The following ARHGAP26 variants were observed in gnomAD, a reference collection of about 807,000 sequenced individuals.
ARHGAP26 encodes the protein rho GTPase-activating protein 26.
In ARHGAP26, 38 loss-of-function variants were observed where a neutral mutation model predicts 104.8. The observed-to-expected ratio is 0.36, with a 90% CI of 0.28 to 0.48. ARHGAP26 has a LOEUF of 0.48. Ranked by LOEUF, ARHGAP26 falls within the 20% of genes least tolerant of loss-of-function variation. The pLI is 0.99. For synonymous variants in ARHGAP26, 341 were observed against 340.0 expected (o/e 1.00, Z -0.03); for missense variants, 704 against 947.9 (o/e 0.74, Z 3.38).
At chr5:143,132,747 C>T (rs1481758783) in intron 18 of ARHGAP26, among the ~76,000 whole-genome samples, 1 of 151,898 alleles carries the variant, frequency 6.6e-6, no homozygotes, top group Non-Finnish European at 1.5e-5. Context: ...ACGTGTTTGC[C>T]TCCTTCACTG....
chr5:142,954,060 G>A (rs1358668691), intron 11 of ARHGAP26, among the ~76,000 whole-genome samples: 1 of 152,182 alleles, frequency 6.6e-6, no homozygotes, highest in Admixed American at 6.5e-5. Context: ...CTGAGCAAAG[G>A]CGTTTTTAAG....
chr5:142,985,654 C>G lies in ARHGAP26; in HGVS notation c.1108-28426C>G, dbSNP rs181107538. On this transcript the variant is annotated intron_variant, in intron 11 of 22. Transcript: ENST00000645722. ...ATATCTCCTAATGCTATCCCTCCCC[C>G]CTCCCCCCCACCCTACAACAGGCCC... Among the ~76,000 whole-genome samples the G allele has an allele frequency of 1.8e-4, 21 of 119,558 alleles. No individual in the cohort carries two copies. The East Asian group carries it at 2.7e-3, about 15-fold the overall frequency. The allele number at this position is 119,558 out of a possible 152,430, so 78.4% of individuals were successfully genotyped here.
At chr5:143,127,882 A>G (rs1796897230) in intron 18 of ARHGAP26, among the ~76,000 whole-genome samples, 2 of 152,252 alleles carry the variant, frequency 1.3e-5, no homozygotes, top group East Asian at 3.8e-4. Flanking sequence ...GTATGACTGG[A>G]TGCTTCACTA....
chr5:143,020,676 T>C lies in ARHGAP26; in HGVS notation c.1144+6560T>C, dbSNP rs533307690. Among the ~76,000 whole-genome samples, 6 of 138,232 alleles carry C rather than the reference T, an allele frequency of 4.3e-5. 1 individual carries two copies. In the South Asian group the frequency reaches 1.4e-3, roughly 33 times the overall value. The allele number at this position is 138,232 out of a possible 152,430, so 90.7% of individuals were successfully genotyped here. On this transcript the variant is annotated intron_variant, in intron 12 of 22. Transcript: ENST00000645722. ...TTTTTTGAGATGGAGTCTTGCTCTG[T>C]TGCCCAGGCTGGAGTGCAGTGGCAT...
At position 143,007,894 on chromosome 5, in the gene ARHGAP26, T is replaced by G. The variant is rs565261323; in HGVS notation, c.1108-6186T>G. 2.6e-5 allele frequency among the ~76,000 whole-genome samples: 4 copies of G among 152,360 alleles called. No individual in the cohort carries two copies. The East Asian group carries it at 7.7e-4, about 29-fold the overall frequency. On this transcript the variant is annotated intron_variant, in intron 11 of 22. Transcript: ENST00000645722. Reference sequence around the variant, plus strand: ...CTTAGATTGTCTCCTTTCCTTTCCCTTCATCTCTTAATTAGTTTCAGTTGG... The same window carrying G: ...CTTAGATTGTCTCCTTTCCTTTCCCGTCATCTCTTAATTAGTTTCAGTTGG...
At chr5:142,834,898 A>G (rs1211196315) in intron 1 of ARHGAP26, among the ~76,000 whole-genome samples, 1 of 152,242 alleles carries the variant, frequency 6.6e-6, no homozygotes, top group African/African-American at 2.4e-5. Context: ...GCCATTAGCA[A>G]TCTACCATAT....
At chr5:143,130,203 C>T (rs1012284348) in intron 18 of ARHGAP26, among the ~76,000 whole-genome samples, 1 of 152,192 alleles carries the variant, frequency 6.6e-6, no homozygotes, top group Non-Finnish European at 1.5e-5. Flanking sequence ...GAAACAGTAG[C>T]TTGGTATTTA....
At chr5:143,190,027 AGG>A (rs10597676) in intron 20 of ARHGAP26, among the ~76,000 whole-genome samples, 5,116 of 145,620 alleles carry the variant, frequency 0.035, 310 homozygotes, top group African/African-American at 0.12. Context: ...GGACAGAAGG[AGG>A]GGGGGGAAAA....
rs1279237048 is a variant in ARHGAP26 at position 142,993,185 on chromosome 5, C to T, written c.1108-20895C>T. Among the ~76,000 whole-genome samples the T allele has an allele frequency of 5.9e-4, 68 of 114,784 alleles. 1 individual carries two copies. The highest frequency in any genetic ancestry group is 2.0e-3 in the African/African-American group (61 of 29,790). 75.3% of individuals were successfully genotyped at this position (114,784 alleles called of 152,430 possible). A position where few individuals can be genotyped will look rare whatever the true frequency, so the allele number is the denominator to read the frequency against. On this transcript the variant is annotated intron_variant, in intron 11 of 22. Transcript: ENST00000645722. ...TTTTTTTTTTTTTTTTTTTTTGAGA[C>T]GGAGTCTCGCTCTGTCGCCCAGGCC...
chr5:143,105,926 A>G (rs1390806505), intron 17 of ARHGAP26, among the ~76,000 whole-genome samples: 1 of 151,732 alleles, frequency 6.6e-6, no homozygotes, highest in Non-Finnish European at 1.5e-5. Flanking sequence ...TTTGGTGAGT[A>G]CAAGTATGAG....
chr5:142,925,922 G>A (rs1347089471), intron 10 of ARHGAP26, among the ~76,000 whole-genome samples: 2 of 152,188 alleles, frequency 1.3e-5, no homozygotes, highest in Admixed American at 6.5e-5. Context: ...TAAATTCTGA[G>A]TGTTTTTGTT....
At chr5:142,818,495 A>G (rs1274078048) in intron 1 of ARHGAP26, among the ~76,000 whole-genome samples, 5 of 152,172 alleles carry the variant, frequency 3.3e-5, no homozygotes, top group Admixed American at 6.5e-5. Flanking sequence ...CAGTAGGTCT[A>G]CTTGGGGTCT....
chr5:142,776,971 A>T (rs1349575284), intron 1 of ARHGAP26, among the ~76,000 whole-genome samples: 3 of 152,152 alleles, frequency 2.0e-5, no homozygotes, highest in African/African-American at 7.2e-5. Flanking sequence ...GTGGGTGTGA[A>T]GTGGTATCTC....
intron 20 of ARHGAP26, among the ~76,000 whole-genome samples, chr5:143,153,559 T>TAA (rs1179194844): frequency 2.6e-5 from 4 of 152,146 alleles, no homozygotes; most frequent in Non-Finnish European, 5.9e-5. Flanking sequence ...ACCAGGGACA[T>TAA]AACATGCTGC....
intron 17 of ARHGAP26, among the ~76,000 whole-genome samples, chr5:143,082,031 A>T (rs1013178710): frequency 1.3e-5 from 2 of 152,018 alleles, no homozygotes; most frequent in Admixed American, 6.6e-5. Context: ...AAAAAAAAAA[A>T]AAATGGTAGC....
At chr5:142,918,739 T>A (rs547060546) in intron 10 of ARHGAP26, among the ~76,000 whole-genome samples, 1 of 152,274 alleles carries the variant, frequency 6.6e-6, no homozygotes, top group South Asian at 2.1e-4. Flanking sequence ...TAATGTTAGC[T>A]CTTCATATCT....
intron 11 of ARHGAP26, among the ~76,000 whole-genome samples, chr5:142,954,341 C>A (rs1159257381): frequency 1.3e-5 from 2 of 152,228 alleles, no homozygotes; most frequent in Admixed American, 1.3e-4. Flanking sequence ...ACATCTACCC[C>A]TTTGGCTTCT....
At chr5:143,113,282 A>T (rs558753905) in intron 17 of ARHGAP26, among the ~76,000 whole-genome samples, 1 of 152,236 alleles carries the variant, frequency 6.6e-6, no homozygotes, top group East Asian at 1.9e-4. Flanking sequence ...CTGTTAGTGG[A>T]GGTTAAAGTG....
rs117823110 is a variant in ARHGAP26 at position 143,127,489 on chromosome 5, A to G, written c.1698+6342A>G. Among the ~76,000 whole-genome samples the G allele has an allele frequency of 3.5e-3, 534 of 152,312 alleles. 16 individuals carry two copies. The East Asian group carries it at 0.074, about 21-fold the overall frequency. The stretch of plus-strand genomic sequence containing the variant: ...GTTGATCATTGAGCTGTTAATTCTC[A>G]GAAATCCCCAAAGATCGGTGCCCCT... On this transcript the variant is annotated intron_variant, in intron 18 of 22. Coordinates refer to ENST00000645722, the MANE Select transcript of ARHGAP26 (RefSeq NM_001135608.3).
Sources: allele counts gnomAD v4.1 joint callset (sites outside exome capture counted in the v4.1 genomes callset), GRCh38; gene constraint gnomAD v4.1.1; transcripts MANE v1.5; gene names NCBI Gene and HGNC (gene_info 2026-07-23, HGNC 2026-07-21).